ADAM23: variants seen among roughly 807,000 people sequenced by gnomAD.
The protein encoded by ADAM23 is ADAM metallopeptidase domain 23.
ADAM23 carries 33 observed loss-of-function variants against 120.1 expected under a neutral mutation model. That is an observed-to-expected ratio of 0.27 (90% confidence interval 0.21 to 0.37). The LOEUF is 0.37. Among genes scored for constraint, ADAM23 ranks in the 10% least tolerant of loss-of-function variants. The pLI, the probability that ADAM23 is intolerant of heterozygous loss-of-function variation, is 1.00. For missense variants in ADAM23, 862 were observed against 1,058.2 expected, an observed-to-expected ratio of 0.81 and a Z score of 2.57; for synonymous variants, 367 against 375.2, an observed-to-expected ratio of 0.98 and a Z score of 0.25.
At chr2:206,464,643 G>A (rs1039043120) in intron 2 of ADAM23, among the ~76,000 whole-genome samples, 6 of 150,882 alleles carry the variant, frequency 4.0e-5, no homozygotes, top group Admixed American at 3.4e-4. Context: ...CACATCTAGA[G>A]GAAGCTATAC....
At chr2:206,578,816 A>G (rs1460151691) in intron 18 of ADAM23, among the ~76,000 whole-genome samples, 1 of 152,188 alleles carries the variant, frequency 6.6e-6, no homozygotes, top group Non-Finnish European at 1.5e-5. Context: ...GAATCTCCAC[A>G]CTGTTTTCCA....
intron 9 of ADAM23, among the ~76,000 whole-genome samples, chr2:206,550,685 T>G (rs902538993): frequency 6.7e-6 from 1 of 149,730 alleles, no homozygotes; most frequent in African/African-American, 2.5e-5. Flanking sequence ...CACTGCAAGC[T>G]CCGCCTCCCG....
At chr2:206,551,306 G>A (rs563111787) in intron 9 of ADAM23, among the ~76,000 whole-genome samples, 1 of 152,134 alleles carries the variant, frequency 6.6e-6, no homozygotes, top group South Asian at 2.1e-4. Context: ...GTTGGCTCTC[G>A]GGATCTGATG....
chr2:206,554,177 G>GA (rs926216149), intron 9 of ADAM23, among the ~76,000 whole-genome samples: 10 of 152,080 alleles, frequency 6.6e-5, no homozygotes, highest in African/African-American at 2.4e-4. Context: ...TTGGCTGCCT[G>GA]AAAAAAATGC....
At chr2:206,491,927 T>A (rs950038428) in intron 3 of ADAM23, among the ~76,000 whole-genome samples, 2 of 152,248 alleles carry the variant, frequency 1.3e-5, no homozygotes, top group African/African-American at 2.4e-5. Flanking sequence ...AAGTTCTTTC[T>A]AACCTGAGTT....
intron 24 of ADAM23, 42 bp downstream of exon 24, chr2:206,596,204 G>T (rs775126935): frequency 7.0e-7 from 1 of 1,431,272 alleles, no homozygotes; most frequent in African/African-American, 1.4e-5. Context: ...TACTGAATTC[G>T]TTGACACTGT....
rs761396298 is a variant in ADAM23, at chr2:206,594,900, C to T, written c.2242C>T (p.His748Tyr). 1 of 1,614,090 alleles carries T rather than the reference C, an allele frequency of 6.2e-7. No individual in the cohort carries two copies. Among genetic ancestry groups the T allele is most frequent in the South Asian group, 1.1e-5 (1 of 91,070 alleles). The part of the protein sequence containing the change: ...LDSKGKVCSG[H>Y]GVCSNEATCI... ...TTCCAAGGGTAAAGTCTGTTCGGGC[C>T]ATGGGGTAAGTAGGTATCAATGTGA... The change falls in exon 23 of 26, where the codon CAT becomes TAT. Residue 748 changes from histidine to tyrosine, a missense_variant. His to Tyr is a moderately conservative substitution (Grantham distance 83, BLOSUM62 2). Around this residue, in one of 4 missense-constraint regions of ADAM23, gnomAD observed 617 missense variants for 813.5 expected, o/e 0.76. Coordinates refer to ENST00000264377, the MANE Select transcript of ADAM23 (RefSeq NM_003812.4).
intron 3 of ADAM23, among the ~76,000 whole-genome samples, chr2:206,486,376 A>G (rs1696013769): frequency 6.8e-6 from 1 of 148,104 alleles, no homozygotes; most frequent in Non-Finnish European, 1.5e-5. Flanking sequence ...CATTTTAGAT[A>G]TTTTTTATTT....
intron 3 of ADAM23, among the ~76,000 whole-genome samples, chr2:206,492,555 G>A (rs184552050): frequency 6.6e-6 from 1 of 152,258 alleles, no homozygotes; most frequent in East Asian, 1.9e-4. Context: ...CTGGAGGCTG[G>A]GAAATCCAAG....
At chr2:206,486,445 GT>G (rs1336613272) in intron 3 of ADAM23, among the ~76,000 whole-genome samples, 1 of 151,362 alleles carries the variant, frequency 6.6e-6, no homozygotes, top group East Asian at 1.9e-4. Flanking sequence ...AATTCTTAAT[GT>G]TTATCAGTCC....
chr2:206,593,301 G>C (rs1001197175), intron 22 of ADAM23, among the ~76,000 whole-genome samples: 1 of 152,106 alleles, frequency 6.6e-6, no homozygotes, highest in African/African-American at 2.4e-5. Flanking sequence ...ATTCCAAATA[G>C]GTATTGTTCC....
intron 24 of ADAM23, chr2:206,606,698 G>C (rs1239627223): frequency 1.3e-5 from 2 of 152,156 alleles, no homozygotes; most frequent in East Asian, 3.9e-4. Flanking sequence ...CCTCAGAATA[G>C]CTGTCAGTTC....
At chr2:206,535,927 A>T (rs1028953799) in intron 4 of ADAM23, among the ~76,000 whole-genome samples, 1 of 152,210 alleles carries the variant, frequency 6.6e-6, no homozygotes, top group Non-Finnish European at 1.5e-5. Context: ...TATGCGAAGA[A>T]AAACACTGAA....
At chr2:206,502,529 T>C (rs765999834) in intron 3 of ADAM23, among the ~76,000 whole-genome samples, 1 of 152,118 alleles carries the variant, frequency 6.6e-6, no homozygotes, top group Admixed American at 6.6e-5. Context: ...GTTTTGGTGA[T>C]TCTAAGTGAT....
chr2:206,558,868 T>A (rs1697699426), intron 10 of ADAM23, among the ~76,000 whole-genome samples: 1 of 152,228 alleles, frequency 6.6e-6, no homozygotes, highest in Non-Finnish European at 1.5e-5. Flanking sequence ...TCAATTTGAT[T>A]TAGGCATAAT....
intron 2 of ADAM23, among the ~76,000 whole-genome samples, chr2:206,458,157 TC>T (rs61449292): frequency 0.11 from 16,239 of 152,232 alleles, 944 homozygotes; most frequent in Middle Eastern, 0.15. Context: ...GTCTGACAGA[TC>T]AGCTGTTACC....
At chr2:206,539,842 A>C (rs1191333346) in intron 4 of ADAM23, among the ~76,000 whole-genome samples, 1 of 152,192 alleles carries the variant, frequency 6.6e-6, no homozygotes, top group Non-Finnish European at 1.5e-5. Context: ...ACTTGGTATT[A>C]ATTTAGTAAT....
At chr2:206,544,294 G>A (rs1192432699) in intron 6 of ADAM23, among the ~76,000 whole-genome samples, 4 of 152,164 alleles carry the variant, frequency 2.6e-5, no homozygotes, top group Admixed American at 2.0e-4. Flanking sequence ...AGAAAATAAT[G>A]TTTAGAGTCA....
intron 6 of ADAM23, among the ~76,000 whole-genome samples, chr2:206,545,528 A>G (rs912007302): frequency 1.3e-5 from 2 of 152,024 alleles, no homozygotes; most frequent in Non-Finnish European, 2.9e-5. Flanking sequence ...AACAGCTAAC[A>G]GTTAGATAGG....
Sources: allele counts gnomAD v4.1 joint callset (sites outside exome capture counted in the v4.1 genomes callset), GRCh38; gene constraint gnomAD v4.1.1; regional missense constraint gnomAD v4.1.1; transcripts MANE v1.5; gene names NCBI Gene and HGNC (gene_info 2026-07-23, HGNC 2026-07-21).